The following SHISAL1 variants were observed in gnomAD, a reference collection of about 807,000 sequenced individuals.
SHISAL1 encodes the protein shisa like 1.
Under a neutral mutation model 22.6 loss-of-function variants are expected in SHISAL1, and 9 were observed. That is an observed-to-expected ratio of 0.40 (90% confidence interval 0.24 to 0.70). The LOEUF is 0.70. Ranked by LOEUF, SHISAL1 falls within the 30% of genes least tolerant of loss-of-function variation. The pLI is 0.39. For missense variants in SHISAL1, 246 were observed against 270.6 expected, an observed-to-expected ratio of 0.91 and a Z score of 0.64; for synonymous variants, 119 against 115.4, an observed-to-expected ratio of 1.03 and a Z score of -0.20.
At chr22:44,329,787 C>T in the SHISAL1 span, among the ~76,000 whole-genome samples, 4 of 152,100 alleles carry the variant, frequency 2.6e-5, no homozygotes, top group East Asian at 1.9e-4. Flanking sequence ...CAACCGTGAC[C>T]GGCATGGAGA....
intron 1 of SHISAL1, among the ~76,000 whole-genome samples, chr22:44,303,677 G>A (rs56220770): frequency 0.18 from 27,472 of 152,132 alleles, 2,662 homozygotes; most frequent in Middle Eastern, 0.22. Context: ...TAGGCAGCCC[G>A]AGCAAACAGG....
chr22:44,281,267 C>T (rs11704576), intron 4 of SHISAL1, among the ~76,000 whole-genome samples: 1 of 152,154 alleles, frequency 6.6e-6, no homozygotes, highest in Non-Finnish European at 1.5e-5. Flanking sequence ...TGCTGGGGCC[C>T]TGAGTCGGGC....
chr22:44,261,076 T>TA (rs2055119481), intron 4 of SHISAL1, among the ~76,000 whole-genome samples: 2 of 88,828 alleles, frequency 2.3e-5, no homozygotes, highest in East Asian at 4.3e-4. Context: ...GCTTCATTAC[T>TA]TTATATATAT....
At chr22:44,292,986 G>A (rs926610768) in intron 3 of SHISAL1, among the ~76,000 whole-genome samples, 1 of 152,198 alleles carries the variant, frequency 6.6e-6, no homozygotes, top group East Asian at 1.9e-4. Context: ...GACGCTTGAT[G>A]GCCTCAGAAG....
At chr22:44,275,811 G>A (rs2055236003) in intron 4 of SHISAL1, among the ~76,000 whole-genome samples, 2 of 152,216 alleles carry the variant, frequency 1.3e-5, no homozygotes, top group South Asian at 2.1e-4. Context: ...GGCACAATTT[G>A]TTGCAGCTGC....
chr22:44,269,461 G>A (rs1395279247), intron 4 of SHISAL1, among the ~76,000 whole-genome samples: 16 of 81,600 alleles, frequency 2.0e-4, no homozygotes, highest in African/African-American at 1.1e-4. Context: ...CCACACAGAC[G>A]CCCACAACAC....
At chr22:44,262,463 C>T (rs964847068) in intron 4 of SHISAL1, among the ~76,000 whole-genome samples, 20 of 152,196 alleles carry the variant, frequency 1.3e-4, no homozygotes, top group Middle Eastern at 3.2e-3. Flanking sequence ...TCTTCTGTGC[C>T]GGGCACTGTG....
At chr22:44,256,808 C>A (rs2055087947) in intron 4 of SHISAL1, among the ~76,000 whole-genome samples, 1 of 152,128 alleles carries the variant, frequency 6.6e-6, no homozygotes, top group Non-Finnish European at 1.5e-5. Flanking sequence ...CGACTGCCTG[C>A]TCAACTCTAC....
In SHISAL1 at chr22:44,249,551, G is replaced by T; in HGVS notation, c.*134C>A. The T allele has an allele frequency of 1.5e-6, 1 of 688,302 alleles. No homozygotes were observed. Among genetic ancestry groups the T allele is most frequent in the South Asian group, 1.6e-5 (1 of 64,018 alleles). The allele number at this position is 688,302 out of a possible 1,614,324, so 42.6% of individuals were successfully genotyped here. ...TCCGCGGAAGGGGGCTTTGGGCACA[G>T]GCAGCATTTCCTCCTGTGCCACCGC... On this transcript the variant is annotated 3_prime_UTR_variant, in exon 5 of 5. Coordinates refer to ENST00000381176, the MANE Select transcript of SHISAL1 (RefSeq NM_001099294.2).
the SHISAL1 span, among the ~76,000 whole-genome samples, chr22:44,327,591 G>T: frequency 6.6e-6 from 1 of 152,250 alleles, no homozygotes; most frequent in East Asian, 1.9e-4. Context: ...CCGGGGGTGG[G>T]TCTCAGTGAC....
chr22:44,263,079 C>CT (rs922017518), intron 4 of SHISAL1, among the ~76,000 whole-genome samples: 1,203 of 88,284 alleles, frequency 0.014, 19 homozygotes, highest in Non-Finnish European at 0.019. Context: ...TTCTTTCTTT[C>CT]TTTTTTTTTT....
At chr22:44,273,254 G>GA (rs1249149402) in intron 4 of SHISAL1, among the ~76,000 whole-genome samples, 2 of 152,170 alleles carry the variant, frequency 1.3e-5, no homozygotes, top group African/African-American at 4.8e-5. Context: ...CCCAGGGGAA[G>GA]AAAACCCTGA....
At position 44,276,256 on chromosome 22, in the gene SHISAL1, C is replaced by T. The variant is rs565519058; in HGVS notation, c.599+9172G>A. On this transcript the variant is annotated intron_variant, in intron 4 of 4. Transcript: ENST00000381176. ...GGGAGGAGTGAGCCCTGCTGGGATC[C>T]AGGAGGAGAGAGGTCTGGGTGGAGG... 7.3e-4 allele frequency among the ~76,000 whole-genome samples: 111 copies of T among 152,024 alleles called. 1 individual carries two copies. Among genetic ancestry groups the T allele is most frequent in the African/African-American group, 2.5e-3 (102 of 41,460 alleles).
At chr22:44,307,006 G>C (rs182402836) in intron 1 of SHISAL1, among the ~76,000 whole-genome samples, 13 of 152,246 alleles carry the variant, frequency 8.5e-5, no homozygotes, top group Admixed American at 7.8e-4. Flanking sequence ...TGTGTGGAGG[G>C]GACCTGGGAT....
the SHISAL1 span, among the ~76,000 whole-genome samples, chr22:44,331,133 C>G: frequency 6.6e-6 from 1 of 152,074 alleles, no homozygotes; most frequent in Non-Finnish European, 1.5e-5. This position sits in a 1 kb window ranked among gnomAD's most constrained non-coding sequence, Gnocchi z 5.2. Flanking sequence ...CTCTTCGGAA[C>G]CCAGCCCCTT....
At position 44,285,558 on chromosome 22, in the gene SHISAL1, G is replaced by T; in HGVS notation, c.469C>A (p.Arg157=). The T allele has an allele frequency of 6.5e-7, 1 of 1,538,558 alleles. No individual in the cohort carries two copies. Among genetic ancestry groups the T allele is most frequent in the Non-Finnish European group, 9.0e-7 (1 of 1,114,764 alleles). ...GGCTGTGGGGCCCGCTGACCCGGCC[G>T]AGGGGCCCGAGCGGGGTTCCCCCAC... ...RRWGNPARAP[R]PGQRAPQPQP... is the part of the protein sequence containing the mutation. Residue 157 remains arginine (R), a synonymous_variant, in exon 4 of 5, where the codon CGG becomes AGG. Transcript: ENST00000381176.
At chr22:44,315,543 A>G (rs1286939014), upstream of SHISAL1, among the ~76,000 whole-genome samples, 3 of 152,078 alleles carry the variant, frequency 2.0e-5, no homozygotes, top group African/African-American at 7.2e-5. Flanking sequence ...CCTCCCAGTT[A>G]TAAACTCTCT....
In SHISAL1 at chr22:44,283,860, C is replaced by G. The variant is rs138230381; in HGVS notation, c.599+1568G>C. Among the ~76,000 whole-genome samples the G allele has an allele frequency of 6.8e-3, 1,030 of 152,206 alleles. 8 individuals are homozygous for G. The highest frequency in any genetic ancestry group is 0.028 in the Middle Eastern group (8 of 290). ...GCTCTGGGTCTTTAGTTTGACAAACCCTCTAGGTGTGTCTGTTGCAAAGGA... is the reference window on the plus strand; with the variant it reads ...GCTCTGGGTCTTTAGTTTGACAAACGCTCTAGGTGTGTCTGTTGCAAAGGA... On this transcript the variant is annotated intron_variant, in intron 4 of 4. Coordinates refer to ENST00000381176, the MANE Select transcript of SHISAL1 (RefSeq NM_001099294.2).
At position 44,300,935 on chromosome 22, in the gene SHISAL1, C is replaced by T; in HGVS notation, c.11G>A (p.Cys4Tyr). Residue 4 changes from cysteine (C) to tyrosine (Y), a missense_variant, in exon 2 of 5, where the codon TGT becomes TAT. Around this residue, in one of 2 missense-constraint regions of SHISAL1, gnomAD observed 110 missense variants for 153.1 expected, o/e 0.72. Coordinates refer to ENST00000381176, the MANE Select transcript of SHISAL1 (RefSeq NM_001099294.2). The stretch of plus-strand genomic sequence containing the variant: ...GAGCACGTTCAAGGACTGCTGGCCA[C>T]AACTGGTCATCGTCTGGCTTGCATT... MTS[C>Y]GQQSLNVLAV... is the part of the protein sequence containing the mutation. 6.2e-7 allele frequency: 1 copy of T among 1,614,176 alleles called. No individual in the cohort carries two copies. Among genetic ancestry groups the T allele is most frequent in the East Asian group, 2.2e-5 (1 of 44,888 alleles).
Sources: allele counts gnomAD v4.1 joint callset (sites outside exome capture counted in the v4.1 genomes callset), GRCh38; gene constraint gnomAD v4.1.1; regional missense constraint gnomAD v4.1.1; non-coding constraint Gnocchi (gnomAD v3.1); transcripts MANE v1.5; gene names NCBI Gene and HGNC (gene_info 2026-07-23, HGNC 2026-07-21).